PIAS1: variants seen among roughly 807,000 people sequenced by gnomAD.
PIAS1 encodes the protein E3 SUMO-protein ligase PIAS1.
In PIAS1, 6 loss-of-function variants were observed where a neutral mutation model predicts 71.3. The observed-to-expected ratio is 0.08, with a 90% CI of 0.05 to 0.17. The LOEUF is 0.17. Ranked by LOEUF, PIAS1 falls within the 10% of genes least tolerant of loss-of-function variation. The pLI is 1.00. For missense variants in PIAS1, 555 were observed against 793.6 expected (o/e 0.70, Z 3.61); for synonymous variants, 303 against 292.9 (o/e 1.03, Z -0.35).
chr15:68,147,341 A>C (rs906981839), intron 6 of PIAS1, among the ~76,000 whole-genome samples: 4 of 152,004 alleles, frequency 2.6e-5, no homozygotes, highest in African/African-American at 9.7e-5. Flanking sequence ...TACTTTTTTC[A>C]TTATTACTGA....
intron 1 of PIAS1, among the ~76,000 whole-genome samples, chr15:68,083,438 T>C (rs1171878764): frequency 6.6e-6 from 1 of 152,218 alleles, no homozygotes; most frequent in Non-Finnish European, 1.5e-5. Context: ...TCATTATACC[T>C]GATTATAAGT....
intron 1 of PIAS1, chr15:68,061,321 T>C (rs2140953894): frequency 6.6e-6 from 1 of 152,348 alleles, no homozygotes; most frequent in African/African-American, 2.4e-5. Flanking sequence ...GCTAGATGTT[T>C]ATGACTATAT....
At chr15:68,145,439 G>T (rs969537579) in intron 4 of PIAS1, among the ~76,000 whole-genome samples, 2 of 152,088 alleles carry the variant, frequency 1.3e-5, no homozygotes, top group African/African-American at 4.8e-5. Flanking sequence ...GAAAAGTTCT[G>T]TATTAAGGAA....
intron 1 of PIAS1, among the ~76,000 whole-genome samples, chr15:68,081,526 G>A (rs1036785567): frequency 1.3e-5 from 2 of 151,820 alleles, no homozygotes; most frequent in Non-Finnish European, 2.9e-5. Context: ...GGGAGAAGAA[G>A]AAAACAACAT....
chr15:68,109,188 C>G (rs1027066012), intron 2 of PIAS1, among the ~76,000 whole-genome samples: 1 of 152,086 alleles, frequency 6.6e-6, no homozygotes, highest in African/African-American at 2.4e-5. Flanking sequence ...AATACTCATC[C>G]CACAAACATT....
chr15:68,058,567 A>G (rs1159074331), intron 1 of PIAS1, among the ~76,000 whole-genome samples: 1 of 152,144 alleles, frequency 6.6e-6, no homozygotes, highest in East Asian at 1.9e-4. Flanking sequence ...ACAGATTTCT[A>G]CTTATGTTGT....
chr15:68,164,111 A>G (rs35495454), intron 7 of PIAS1, among the ~76,000 whole-genome samples: 28,516 of 152,050 alleles, frequency 0.19, 2,882 homozygotes, highest in South Asian at 0.24. Flanking sequence ...GTGGGTTCCA[A>G]TTTTACTACA....
chr15:68,188,881 A>T lies in PIAS1; in HGVS notation c.*1046A>T, dbSNP rs2093104637. ...GGTGTTTTGTGCAGCTGACAGAGGT[A>T]ATGTTACATCACCTAAAAAAGAAAG... On this transcript the variant is annotated 3_prime_UTR_variant, in exon 14 of 14. Coordinates refer to ENST00000249636, the MANE Select transcript of PIAS1 (RefSeq NM_016166.3). 6.6e-6 allele frequency: 1 copy of T among 152,216 alleles called. No homozygotes were observed. Among genetic ancestry groups the T allele is most frequent in the Non-Finnish European group, 1.5e-5 (1 of 68,040 alleles). 9.4% of individuals were successfully genotyped at this position (152,216 alleles called of 1,614,324 possible).
chr15:68,187,308 A>C lies in PIAS1; in HGVS notation c.1663-234A>C, dbSNP rs1305395428. Among the ~76,000 whole-genome samples the C allele has an allele frequency of 6.6e-6, 1 of 152,176 alleles. No homozygotes were observed. The highest frequency in any genetic ancestry group is 1.9e-4 in the East Asian group (1 of 5,198). On this transcript the variant is annotated intron_variant, in intron 13 of 13. Transcript: ENST00000249636. This position sits in a 1 kb window ranked among gnomAD's most constrained non-coding sequence, Gnocchi z 5.3. ...TGCAATACAAACTAAAACAAAAAAC[A>C]ATAAAATTTATATTTTGTTTTTCCT...
intron 1 of PIAS1, among the ~76,000 whole-genome samples, chr15:68,081,684 A>G (rs1033421084): frequency 3.9e-5 from 6 of 152,120 alleles, no homozygotes; most frequent in Non-Finnish European, 7.4e-5. Context: ...CCCAGAAGAT[A>G]GAGCTAAAAG....
intron 1 of PIAS1, among the ~76,000 whole-genome samples, chr15:68,073,100 C>T (rs920260102): frequency 1.2e-4 from 19 of 152,194 alleles, no homozygotes; most frequent in African/African-American, 4.3e-4. Flanking sequence ...ACTGCAACCT[C>T]CGCCTCCTGG....
chr15:68,182,425 AGTGTGTGTGTGT>A (rs10532167), intron 12 of PIAS1, among the ~76,000 whole-genome samples: 8 of 123,338 alleles, frequency 6.5e-5, no homozygotes, highest in Admixed American at 1.6e-4. Context: ...AGTTACAGCT[AGTGTGTGTGTGT>A]GTGTGTGTGT....
intron 6 of PIAS1, among the ~76,000 whole-genome samples, chr15:68,152,446 A>G (rs1038905487): frequency 3.9e-5 from 6 of 152,166 alleles, no homozygotes; most frequent in Non-Finnish European, 5.9e-5. Context: ...AGGGGAGTGC[A>G]TTAAGTTCCA....
chr15:68,094,913 T>C (rs1038681914), intron 2 of PIAS1, among the ~76,000 whole-genome samples: 3 of 152,210 alleles, frequency 2.0e-5, no homozygotes, highest in Admixed American at 2.0e-4. Context: ...ATATTCTGTC[T>C]TTTTATCTGG....
chr15:68,160,333 T>G (rs1265097115), intron 7 of PIAS1, among the ~76,000 whole-genome samples: 1 of 152,162 alleles, frequency 6.6e-6, no homozygotes, highest in South Asian at 2.1e-4. Flanking sequence ...CACATAGATA[T>G]CGAAATATTC....
At chr15:68,079,044 C>T (rs1597140639) in intron 1 of PIAS1, among the ~76,000 whole-genome samples, 2 of 143,368 alleles carry the variant, frequency 1.4e-5, no homozygotes, top group African/African-American at 5.1e-5. Context: ...GTTAATCCCT[C>T]TTTTTTTTTT....
chr15:68,113,902 G>T (rs1210165618), intron 2 of PIAS1, among the ~76,000 whole-genome samples: 2 of 151,898 alleles, frequency 1.3e-5, no homozygotes, highest in Admixed American at 1.3e-4. Flanking sequence ...TGTAATTTTT[G>T]TTGTACTCCA....
At chr15:68,085,682 G>T (rs961029176) in intron 1 of PIAS1, among the ~76,000 whole-genome samples, 18 of 152,102 alleles carry the variant, frequency 1.2e-4, no homozygotes, top group African/African-American at 4.1e-4. Flanking sequence ...TATAAATCAG[G>T]CAGGATAATA....
intron 7 of PIAS1, among the ~76,000 whole-genome samples, chr15:68,156,709 TA>T (rs35479013): frequency 1.6e-3 from 191 of 119,062 alleles, no homozygotes; most frequent in Middle Eastern, 4.9e-3. Context: ...ACACTGTCTT[TA>T]AAAAAAAAAA....
Sources: gnomAD v4.1 joint callset for allele counts (sites outside exome capture counted in the v4.1 genomes callset) on GRCh38, gnomAD v4.1.1 for gene constraint, Gnocchi (gnomAD v3.1) non-coding constraint, MANE v1.5 for transcripts, NCBI Gene and HGNC (gene_info 2026-07-23, HGNC 2026-07-21) for gene names.